The following MYCBP2 variants were observed in gnomAD, a reference collection of about 807,000 sequenced individuals.
The protein encoded by MYCBP2 is E3 ubiquitin-protein ligase MYCBP2.
A neutral mutation model predicts 525.3 loss-of-function variants in MYCBP2; 120 were observed. The ratio of observed to expected loss-of-function variants is 0.23; its 90% CI spans 0.20 to 0.27. The LOEUF (loss-of-function observed/expected upper bound fraction) is 0.27. Ranked by LOEUF, MYCBP2 falls within the 10% of genes least tolerant of loss-of-function variation. The probability of loss-of-function intolerance (pLI) is 1.00; values close to 1 mark genes in which losing one functional copy is unlikely to be tolerated. For missense variants in MYCBP2, 4,149 were observed against 5,657.1 expected (o/e 0.73, Z 8.55); for synonymous variants, 1,894 against 1,955.8 (o/e 0.97, Z 0.83).
At chr13:77,260,705 T>C in intron 12 of MYCBP2, 113 bp from the exon 13 acceptor site, 1 of 952,798 alleles carries the variant, frequency 1.0e-6, no homozygotes, top group Non-Finnish European at 1.5e-6. Flanking sequence ...ATGACACTAT[T>C]TGTTTATTTT....
intron 38 of MYCBP2, 110 bp downstream of exon 38, chr13:77,171,382 C>T: frequency 9.0e-7 from 1 of 1,115,378 alleles, no homozygotes; most frequent in African/African-American, 1.6e-5. Context: ...ATAAATAACA[C>T]TTAGATTCTA....
chr13:77,294,104 CTATATATATATA>C (rs1197370334), intron 2 of MYCBP2, among the ~76,000 whole-genome samples: 15 of 41,920 alleles, frequency 3.6e-4, no homozygotes, highest in African/African-American at 9.6e-4. Context: ...GATATAATGG[CTATATATATATA>C]TATATATATA....
At chr13:77,094,532 G>A (rs1019028890) in intron 58 of MYCBP2, among the ~76,000 whole-genome samples, 4 of 152,148 alleles carry the variant, frequency 2.6e-5, no homozygotes, top group African/African-American at 4.8e-5. Context: ...TACAGAGCCC[G>A]ACATTACTTG....
chr13:77,208,651 T>C (rs2063629708), intron 23 of MYCBP2, among the ~76,000 whole-genome samples: 1 of 152,170 alleles, frequency 6.6e-6, no homozygotes, highest in Non-Finnish European at 1.5e-5. Flanking sequence ...GAAAAATACA[T>C]GCATTTTAAA....
intron 50 of MYCBP2, 35 bp from the exon 51 acceptor site, chr13:77,140,198 G>T: frequency 7.4e-7 from 1 of 1,355,928 alleles, no homozygotes; most frequent in Non-Finnish European, 1.0e-6. Context: ...GAGGTAGGAA[G>T]AACATAGAAT....
chr13:77,059,417 A>G (rs2038855701), intron 77 of MYCBP2, 106 bp downstream of exon 77: 1 of 841,222 alleles, frequency 1.2e-6, no homozygotes, highest in Non-Finnish European at 2.0e-6. Flanking sequence ...TAATACACTC[A>G]TTTAGGAAGC....
At chr13:77,137,684 G>A (rs1261307819) in intron 52 of MYCBP2, among the ~76,000 whole-genome samples, 1 of 152,158 alleles carries the variant, frequency 6.6e-6, no homozygotes, top group East Asian at 1.9e-4. Context: ...CACCTCCTGA[G>A]TTCCAGCGAT....
chr13:77,208,716 G>A (rs2063638610), intron 23 of MYCBP2, among the ~76,000 whole-genome samples: 1 of 152,150 alleles, frequency 6.6e-6, no homozygotes, highest in Non-Finnish European at 1.5e-5. Context: ...GAGAAGGCTA[G>A]TGGAATTCGG....
intron 55 of MYCBP2, among the ~76,000 whole-genome samples, chr13:77,109,173 C>A (rs1566560536): frequency 6.6e-6 from 1 of 152,054 alleles, no homozygotes; most frequent in South Asian, 2.1e-4. Flanking sequence ...CACAATGGTC[C>A]CCTAACTTTC....
intron 3 of MYCBP2, among the ~76,000 whole-genome samples, chr13:77,282,595 C>T (rs572575175): frequency 2.0e-5 from 3 of 152,214 alleles, no homozygotes; most frequent in South Asian, 4.1e-4. Context: ...CCACCCCCTC[C>T]GATCTCTCAC....
chr13:77,294,109 T>TATATATATATATATAC (rs2077806865), intron 2 of MYCBP2, among the ~76,000 whole-genome samples: 1 of 52,416 alleles, frequency 1.9e-5, no homozygotes, highest in South Asian at 5.4e-4. Flanking sequence ...AATGGCTATA[T>TATATATATATATATAC]ATATATATAT....
intron 52 of MYCBP2, 34 bp from the exon 53 acceptor site, chr13:77,126,576 A>C: frequency 6.6e-7 from 1 of 1,524,312 alleles, no homozygotes. Context: ...AAATAAACAA[A>C]ATACAATCTA....
rs574901536 is a variant in MYCBP2 at position 77,229,120 on chromosome 13, G to C, written c.2738-3566C>G. The stretch of plus-strand genomic sequence containing the variant: ...TACTGGAACTTAAGAACTTGGACTG[G>C]AATCTTGGCTCTTCTCATTTGCTAG... On this transcript the variant is annotated intron_variant, in intron 18 of 82. Transcript: ENST00000544440. Among the ~76,000 whole-genome samples, 61 of 152,308 alleles carry C rather than the reference G, an allele frequency of 4.0e-4. No homozygotes were observed. In the South Asian group the frequency reaches 0.011, roughly 28 times the overall value.
At chr13:77,230,948 A>G (rs1452038548) in intron 18 of MYCBP2, among the ~76,000 whole-genome samples, 1 of 152,222 alleles carries the variant, frequency 6.6e-6, no homozygotes, top group Non-Finnish European at 1.5e-5. Flanking sequence ...GATGTTCAAC[A>G]TGTCGTAAAA....
chr13:77,158,431 A>G (rs2057471619), intron 44 of MYCBP2, among the ~76,000 whole-genome samples: 1 of 152,108 alleles, frequency 6.6e-6, no homozygotes, highest in Admixed American at 6.6e-5. Context: ...CCCTTCTGTC[A>G]GCAACTGTGG....
Position 77,278,779 on chromosome 13 carries a change from A to T in MYCBP2, c.727T>A (p.Ser243Thr), listed in dbSNP as rs986621990. Residue 243 changes from serine (S) to threonine (T), a missense_variant, in exon 4 of 83, where the codon TCT (serine) becomes ACT (threonine). Physicochemically the swap from Ser to Thr is moderately conservative, Grantham distance 58 (BLOSUM62 1). Around this residue, in one of 21 missense-constraint regions of MYCBP2, gnomAD observed 413 missense variants for 451.2 expected, o/e 0.92. Transcript: ENST00000544440. The part of the protein sequence containing the change: ...LQGQQPEGLQ[S>T]EPPEVLESLF... ...TTACCTAGGACCTCAGGTGGCTCAG[A>T]CTGGAGGCCTTCTGGCTGCTGGCCC... 8 of 1,569,794 alleles carry T rather than the reference A, an allele frequency of 5.1e-6. No individual in the cohort carries two copies. The highest frequency in any genetic ancestry group is 6.0e-6 in the Non-Finnish European group (7 of 1,161,020).
At chr13:77,160,290 C>T (rs1379577651) in intron 44 of MYCBP2, among the ~76,000 whole-genome samples, 3 of 152,162 alleles carry the variant, frequency 2.0e-5, no homozygotes, top group African/African-American at 4.8e-5. Context: ...AGTGCAGTTG[C>T]TCACTAGCTG....
chr13:77,053,717 G>A (rs1322646887), intron 80 of MYCBP2, among the ~76,000 whole-genome samples: 1 of 152,088 alleles, frequency 6.6e-6, no homozygotes, highest in Non-Finnish European at 1.5e-5. Flanking sequence ...GTGCACTATT[G>A]GGTGTGCATG....
chr13:77,161,123 A>T (rs896158139), intron 44 of MYCBP2, among the ~76,000 whole-genome samples: 1 of 152,212 alleles, frequency 6.6e-6, no homozygotes, highest in Non-Finnish European at 1.5e-5. Flanking sequence ...AGTACATCAG[A>T]AACTCTGGTT....
Sources: gnomAD v4.1 joint callset for allele counts (sites outside exome capture counted in the v4.1 genomes callset) on GRCh38, gnomAD v4.1.1 for gene constraint, gnomAD v4.1.1 regional missense constraint, MANE v1.5 for transcripts, NCBI Gene and HGNC (gene_info 2026-07-23, HGNC 2026-07-21) for gene names.